The following SLC5A3 variants were observed in gnomAD, a reference collection of about 807,000 sequenced individuals.
SLC5A3 encodes sodium/myo-inositol cotransporter.
In SLC5A3, 10 loss-of-function variants were observed where a neutral mutation model predicts 43.2. The observed-to-expected ratio is 0.23, with a 90% CI of 0.14 to 0.39. The LOEUF is 0.39. SLC5A3 is among the 10% of genes least tolerant of loss of function. The pLI is 1.00. For missense variants in SLC5A3, 608 were observed against 893.4 expected, an observed-to-expected ratio of 0.68 and a Z score of 4.07; for synonymous variants, 349 against 322.0, an observed-to-expected ratio of 1.08 and a Z score of -0.90.
At chr21:34,083,157 A>G (rs1004038610) in intron 1 of SLC5A3, among the ~76,000 whole-genome samples, 1 of 152,200 alleles carries the variant, frequency 6.6e-6, no homozygotes, top group Middle Eastern at 3.2e-3. Flanking sequence ...AGGTGAAGAA[A>G]CCAAGTGCAG....
intron 1 of SLC5A3, among the ~76,000 whole-genome samples, chr21:34,074,686 C>T (rs1989282318): frequency 6.6e-6 from 1 of 152,074 alleles, no homozygotes; most frequent in Non-Finnish European, 1.5e-5. Context: ...TTTTTTTCTC[C>T]ACCAGGTGTA....
Position 34,102,242 on chromosome 21 carries a change from T to G in SLC5A3, c.*4887T>G. On this transcript the variant is annotated 3_prime_UTR_variant, in exon 2 of 2. Transcript: ENST00000381151. ...AGTAATTAACTGGCTTTGCCAGTGG[T>G]GAGTCCCACACCATTATTCACTTAG... 1 of 999,898 alleles carries G rather than the reference T, an allele frequency of 1.0e-6. No individual in the cohort carries two copies. The highest frequency in any genetic ancestry group is 1.2e-6 in the Non-Finnish European group (1 of 829,788). 61.9% of individuals were successfully genotyped at this position (999,898 alleles called of 1,614,324 possible).
chr21:34,100,104 G>T lies in SLC5A3; in HGVS notation c.*2749G>T. ...ATATTTTTATATTAGCTCAAGCTAA[G>T]GTTCAGAATTGAAGCTTGATATTGA... On this transcript the variant is annotated 3_prime_UTR_variant, in exon 2 of 2. Coordinates refer to ENST00000381151, the MANE Select transcript of SLC5A3 (RefSeq NM_006933.7). The T allele has an allele frequency of 2.0e-6, 2 of 998,986 alleles. No individual in the cohort carries two copies. Among genetic ancestry groups the T allele is most frequent in the Non-Finnish European group, 2.4e-6 (2 of 828,848 alleles). 61.9% of individuals were successfully genotyped at this position (998,986 alleles called of 1,614,324 possible).
At chr21:34,076,303 C>T (rs1989329528) in intron 1 of SLC5A3, among the ~76,000 whole-genome samples, 1 of 152,160 alleles carries the variant, frequency 6.6e-6, no homozygotes, top group South Asian at 2.1e-4. Context: ...CCTAGCTTGA[C>T]TCCTTTAAAT....
chr21:34,074,861 CGGAGCGTCG>C (rs1383560485), intron 1 of SLC5A3, among the ~76,000 whole-genome samples: 4 of 152,164 alleles, frequency 2.6e-5, no homozygotes, highest in Admixed American at 2.6e-4. Context: ...CTAACAATCA[CGGAGCGTCG>C]GGAGATTGTT....
chr21:34,073,683 C>T lies in SLC5A3; in HGVS notation c.-399C>T, dbSNP rs751080694. The T allele has an allele frequency of 1.3e-6, 2 of 1,517,124 alleles. No individual in the cohort carries two copies. The highest frequency in any genetic ancestry group is 1.8e-6 in the Non-Finnish European group (2 of 1,124,926). The allele number at this position is 1,517,124 out of a possible 1,614,324, so 94.0% of individuals were successfully genotyped here. ...GGAACCGGCTGGCTTCCGAGCCGCA[C>T]TCGCCGATCCTCCAGGCATGCCCCG... On this transcript the variant is annotated 5_prime_UTR_variant, in exon 1 of 2. Coordinates refer to ENST00000381151, the MANE Select transcript of SLC5A3 (RefSeq NM_006933.7).
At chr21:34,084,737 C>T (rs1030252147) in intron 1 of SLC5A3, among the ~76,000 whole-genome samples, 1 of 152,058 alleles carries the variant, frequency 6.6e-6, no homozygotes, top group African/African-American at 2.4e-5. Context: ...TTGTATTGTA[C>T]CTATCACTCA....
intron 1 of SLC5A3, among the ~76,000 whole-genome samples, chr21:34,078,444 A>T (rs780256041): frequency 2.3e-4 from 35 of 152,128 alleles, no homozygotes; most frequent in Non-Finnish European, 3.8e-4. Flanking sequence ...GTTTGTATGT[A>T]TGAAGACTGC....
rs775065652 is a variant in SLC5A3, at chr21:34,095,250, A to G, written c.52A>G (p.Ile18Val). 3 of 1,614,046 alleles carry G rather than the reference A, an allele frequency of 1.9e-6. No homozygotes were observed. Among genetic ancestry groups the G allele is most frequent in the Non-Finnish European group, 1.7e-6 (2 of 1,179,900 alleles). The change falls in exon 2 of 2, where the codon ATC becomes GTC. Residue 18 changes from isoleucine (I) to valine (V), a missense_variant. By Grantham distance (29) the Ile-to-Val change is conservative. Transcript: ENST00000381151. The stretch of plus-strand genomic sequence containing the variant: ...CATTGCCATAGTGGCCCTGTATTTT[A>G]TCCTGGTCATGTGCATTGGTTTTTT... ...ADIAIVALYF[I>V]LVMCIGFFAM...
chr21:34,073,792 G>T, intron 1 of SLC5A3, 47 bp downstream of exon 1: 1 of 1,381,518 alleles, frequency 7.2e-7, no homozygotes, highest in Non-Finnish European at 9.6e-7. Context: ...GGGCGCCCCC[G>T]CTGCCGCTAG....
chr21:34,083,470 G>A (rs1054970438), intron 1 of SLC5A3, among the ~76,000 whole-genome samples: 6 of 152,198 alleles, frequency 3.9e-5, no homozygotes, highest in African/African-American at 1.4e-4. Context: ...AAATTTGAGT[G>A]TAGGCTCTGT....
chr21:34,101,866 C>A lies in SLC5A3; in HGVS notation c.*4511C>A. The A allele has an allele frequency of 1.0e-6, 1 of 999,880 alleles. No homozygotes were observed. The highest frequency in any genetic ancestry group is 1.2e-6 in the Non-Finnish European group (1 of 829,858). 61.9% of individuals were successfully genotyped at this position (999,880 alleles called of 1,614,324 possible). A position where few individuals can be genotyped will look rare whatever the true frequency, so the allele number is the denominator to read the frequency against. On this transcript the variant is annotated 3_prime_UTR_variant, in exon 2 of 2. Transcript: ENST00000381151. ...TGTTTTATTCTCAAAACTCCTTTTT[C>A]AAAAATTAGGGAGAGAGCAGTAGTG... is the stretch of plus-strand genomic sequence containing the variant.
Position 34,099,081 on chromosome 21 carries a change from A to G in SLC5A3, c.*1726A>G. The G allele has an allele frequency of 2.0e-6, 2 of 999,674 alleles. No individual in the cohort carries two copies. The highest frequency in any genetic ancestry group is 3.5e-5 in the African/African-American group (2 of 57,364). 61.9% of individuals were successfully genotyped at this position (999,674 alleles called of 1,614,324 possible). A position where few individuals can be genotyped will look rare whatever the true frequency, so the allele number is the denominator to read the frequency against. On this transcript the variant is annotated 3_prime_UTR_variant, in exon 2 of 2. Transcript: ENST00000381151. Reference sequence around the variant, plus strand: ...TTAATTTTAGAAATTGTCAGGTAGCATAGTGTCTTCCCATGATCAGGAGGC... The same window carrying G: ...TTAATTTTAGAAATTGTCAGGTAGCGTAGTGTCTTCCCATGATCAGGAGGC...
In SLC5A3 at chr21:34,095,754, ACT is replaced by A; in HGVS notation, c.559_560del (p.Leu187AlafsTer16). On this transcript the variant is annotated frameshift_variant, in exon 2 of 2. Transcript: ENST00000381151. LOFTEE classifies it high-confidence loss of function. ...CCTTGTTGCAGTGATCTACACAGAC[ACT>A]CTGCAGGCTCTGCTCATGATCATTG... ...GGLVAVIYTD[T>X]LQALLMIIGA... 6.2e-7 allele frequency: 1 copy of A among 1,613,652 alleles called. No homozygotes were observed. The highest frequency in any genetic ancestry group is 8.5e-7 in the Non-Finnish European group (1 of 1,179,890).
At position 34,086,513 on chromosome 21, in the gene SLC5A3, GTGTT is replaced by G. The variant is rs61495135; in HGVS notation, c.-336-8346_-336-8343del. 6.0e-3 allele frequency among the ~76,000 whole-genome samples: 479 copies of G among 79,688 alleles called. 3 individuals carry two copies. The highest frequency in any genetic ancestry group is 0.019 in the African/African-American group (449 of 23,260). The allele number at this position is 79,688 out of a possible 152,430, so 52.3% of individuals were successfully genotyped here. On this transcript the variant is annotated intron_variant, in intron 1 of 1. Transcript: ENST00000381151. The stretch of plus-strand genomic sequence containing the variant: ...TCTGACTTGTGTTTATTTCTAGTTT[GTGTT>G]TGTGTGTGTGTGTGTGTGTGTGTGT...
At position 34,096,843 on chromosome 21, in the gene SLC5A3, A is replaced by G; in HGVS notation, c.1645A>G (p.Lys549Glu). ...GATTCGAACCACCACCTTTTGGTCT[A>G]AGAAGAACCTGGTGGTGAAGGAGAA... ...EQIRTTTFWSKKNLVVKENCS... is the reference protein window; with the variant it reads ...EQIRTTTFWSEKNLVVKENCS... The change falls in exon 2 of 2, where the codon AAG becomes GAG. Residue 549 changes from lysine (K) to glutamate (E), a missense_variant. Physicochemically the swap from Lys to Glu is moderately conservative, Grantham distance 56. Transcript: ENST00000381151. The surrounding 1 kb of genome is among the most constrained non-coding windows in gnomAD (Gnocchi z 5.9). 2 of 1,614,076 alleles carry G rather than the reference A, an allele frequency of 1.2e-6. No homozygotes were observed. The highest frequency in any genetic ancestry group is 1.7e-6 in the Non-Finnish European group (2 of 1,179,972).
At position 34,105,031 on chromosome 21, in the gene SLC5A3, C is replaced by T. The variant is rs1389312240; in HGVS notation, c.*7676C>T. 1 of 999,866 alleles carries T rather than the reference C, an allele frequency of 1.0e-6. No individual in the cohort carries two copies. Among genetic ancestry groups the T allele is most frequent in the Non-Finnish European group, 1.2e-6 (1 of 829,838 alleles). The allele number at this position is 999,866 out of a possible 1,614,324, so 61.9% of individuals were successfully genotyped here. ...AGATCTCTAACTTTTGAGTGGCAAACAGATCAAGTCTTTTGCTCATAGACT... is the reference window on the plus strand; with the variant it reads ...AGATCTCTAACTTTTGAGTGGCAAATAGATCAAGTCTTTTGCTCATAGACT... On this transcript the variant is annotated 3_prime_UTR_variant, in exon 2 of 2. Coordinates refer to ENST00000381151, the MANE Select transcript of SLC5A3 (RefSeq NM_006933.7).
chr21:34,102,476 T>C lies in SLC5A3; in HGVS notation c.*5121T>C, dbSNP rs1602938009. ...ATCCAGTAACCAACAACCCTAACCATTGGCATATATAGTCTTTCACTCAGA... is the reference window on the plus strand; with the variant it reads ...ATCCAGTAACCAACAACCCTAACCACTGGCATATATAGTCTTTCACTCAGA... On this transcript the variant is annotated 3_prime_UTR_variant, in exon 2 of 2. Coordinates refer to ENST00000381151, the MANE Select transcript of SLC5A3 (RefSeq NM_006933.7). 1 of 1,000,190 alleles carries C rather than the reference T, an allele frequency of 1.0e-6. No individual in the cohort carries two copies. The highest frequency in any genetic ancestry group is 1.1e-4 in the East Asian group (1 of 8,816). 62.0% of individuals were successfully genotyped at this position (1,000,190 alleles called of 1,614,324 possible).
chr21:34,083,978 G>A (rs1228669489), intron 1 of SLC5A3, among the ~76,000 whole-genome samples: 1 of 152,142 alleles, frequency 6.6e-6, no homozygotes, highest in Non-Finnish European at 1.5e-5. Context: ...TACTTGTCCT[G>A]TGTTTGCAAT....
Sources: allele counts gnomAD v4.1 joint callset (sites outside exome capture counted in the v4.1 genomes callset), GRCh38; gene constraint gnomAD v4.1.1; non-coding constraint Gnocchi (gnomAD v3.1); transcripts MANE v1.5; gene names NCBI Gene and HGNC (gene_info 2026-07-23, HGNC 2026-07-21).